The following PRKD1 variants were observed in gnomAD, a reference collection of about 807,000 sequenced individuals.
PRKD1 encodes the protein protein kinase D1.
Under a neutral mutation model 95.9 loss-of-function variants are expected in PRKD1, and 63 were observed. That is an observed-to-expected ratio of 0.66 (90% CI 0.54 to 0.81). The LOEUF (loss-of-function observed/expected upper bound fraction) is 0.81. PRKD1 is among the 30% of genes least tolerant of loss of function. PRKD1 has a pLI of 0.00. For missense variants in PRKD1, 1,048 were observed against 1,165.3 expected (o/e 0.90, Z 1.47); for synonymous variants, 425 against 423.1 (o/e 1.00, Z -0.05).
At chr14:29,711,699 T>A (rs1014881834) in intron 2 of PRKD1, among the ~76,000 whole-genome samples, 2 of 152,182 alleles carry the variant, frequency 1.3e-5, no homozygotes, top group Admixed American at 1.3e-4. Flanking sequence ...CTAACTGTCA[T>A]ATGGATCTTT....
chr14:29,838,779 A>T (rs1056366539), intron 1 of PRKD1, among the ~76,000 whole-genome samples: 6 of 152,324 alleles, frequency 3.9e-5, no homozygotes, highest in Middle Eastern at 3.4e-3. Context: ...TTTGCACCAA[A>T]CTAAACTCAT....
intron 1 of PRKD1, among the ~76,000 whole-genome samples, chr14:29,830,402 T>C (rs1360776574): frequency 2.0e-5 from 3 of 152,156 alleles, no homozygotes; most frequent in Non-Finnish European, 4.4e-5. Flanking sequence ...ATGCACATTG[T>C]CAAATCTTCT....
At chr14:29,705,129 T>C (rs1467494905) in intron 2 of PRKD1, among the ~76,000 whole-genome samples, 2 of 152,162 alleles carry the variant, frequency 1.3e-5, no homozygotes, top group African/African-American at 2.4e-5. Flanking sequence ...TGTTATCCTC[T>C]AAAGACGATG....
chr14:29,848,041 C>T (rs1196711194), intron 1 of PRKD1, among the ~76,000 whole-genome samples: 4 of 152,068 alleles, frequency 2.6e-5, no homozygotes, highest in African/African-American at 9.7e-5. Context: ...ACTAAGAATG[C>T]TTGGATGGTC....
chr14:29,780,114 T>C (rs1469615267), intron 1 of PRKD1, among the ~76,000 whole-genome samples: 2 of 152,214 alleles, frequency 1.3e-5, no homozygotes, highest in African/African-American at 4.8e-5. Context: ...GATCCCTTCC[T>C]TACACCTTTT....
At chr14:29,625,184 T>G (rs980428715) in intron 12 of PRKD1, among the ~76,000 whole-genome samples, 1 of 152,176 alleles carries the variant, frequency 6.6e-6, no homozygotes, top group African/African-American at 2.4e-5. Flanking sequence ...CAGCTTGTGT[T>G]CATGTTCTCT....
chr14:29,712,733 A>G (rs1885394814), intron 2 of PRKD1, among the ~76,000 whole-genome samples: 1 of 152,206 alleles, frequency 6.6e-6, no homozygotes, highest in African/African-American at 2.4e-5. Context: ...GACTTAAAAC[A>G]GCTGCATTTC....
At chr14:29,675,903 C>G (rs1347353502) in intron 2 of PRKD1, among the ~76,000 whole-genome samples, 1 of 148,368 alleles carries the variant, frequency 6.7e-6, no homozygotes. Flanking sequence ...ACCGCATGTT[C>G]TCACTCATAG....
intron 2 of PRKD1, among the ~76,000 whole-genome samples, chr14:29,693,881 G>A (rs67963075): frequency 0.069 from 10,511 of 152,194 alleles, 927 homozygotes; most frequent in African/African-American, 0.2. Context: ...ATTTTGGATA[G>A]TCTTTTCAGT....
intron 1 of PRKD1, among the ~76,000 whole-genome samples, chr14:29,922,862 G>T (rs1259552541): frequency 1.3e-5 from 2 of 151,984 alleles, no homozygotes; most frequent in African/African-American, 4.8e-5. Context: ...TGTAGTCTGG[G>T]CCTTATCTCA....
intron 1 of PRKD1, among the ~76,000 whole-genome samples, chr14:29,841,605 TC>T (rs1891848247): frequency 6.6e-6 from 1 of 152,158 alleles, no homozygotes; most frequent in African/African-American, 2.4e-5. Flanking sequence ...CTTCTTGCCT[TC>T]CGCCATGATT....
At chr14:29,755,575 AT>A (rs1219656244) in intron 1 of PRKD1, among the ~76,000 whole-genome samples, 1 of 152,082 alleles carries the variant, frequency 6.6e-6, no homozygotes, top group Non-Finnish European at 1.5e-5. Flanking sequence ...CTCAAGAGAC[AT>A]TTTTCAGCTG....
At chr14:29,626,604 A>G (rs930061245) in intron 11 of PRKD1, 48 bp from the exon 12 acceptor site, 1 of 1,210,960 alleles carries the variant, frequency 8.3e-7, no homozygotes, top group Non-Finnish European at 1.1e-6. Flanking sequence ...AGAACAAAAC[A>G]TTAGTCCTAA....
At chr14:29,801,912 T>A (rs1890048886) in intron 1 of PRKD1, among the ~76,000 whole-genome samples, 1 of 152,206 alleles carries the variant, frequency 6.6e-6, no homozygotes, top group African/African-American at 2.4e-5. Flanking sequence ...GGTCTCAAAC[T>A]CCTGACCTCA....
intron 1 of PRKD1, among the ~76,000 whole-genome samples, chr14:29,893,098 T>A (rs1893995438): frequency 6.6e-6 from 1 of 152,166 alleles, no homozygotes; most frequent in Admixed American, 6.5e-5. Flanking sequence ...CTTTTCTAAA[T>A]GAATCAGTAA....
intron 1 of PRKD1, among the ~76,000 whole-genome samples, chr14:29,857,759 C>T (rs926694008): frequency 2.0e-5 from 3 of 152,122 alleles, no homozygotes; most frequent in Non-Finnish European, 4.4e-5. Context: ...CTGAAAAAGG[C>T]AGCGAGGGGA....
At chr14:29,816,207 G>A (rs1007466710) in intron 1 of PRKD1, among the ~76,000 whole-genome samples, 2 of 152,156 alleles carry the variant, frequency 1.3e-5, no homozygotes, top group Admixed American at 6.6e-5. Context: ...AACAGAGCAA[G>A]ACCAAGAGCC....
intron 4 of PRKD1, among the ~76,000 whole-genome samples, chr14:29,647,199 T>C (rs1881180811): frequency 6.6e-6 from 1 of 152,178 alleles, no homozygotes; most frequent in Non-Finnish European, 1.5e-5. Context: ...ATAACATATA[T>C]AATCTCTTAC....
chr14:29,859,621 A>T (rs1432795868), intron 1 of PRKD1, among the ~76,000 whole-genome samples: 1 of 152,086 alleles, frequency 6.6e-6, no homozygotes, highest in Admixed American at 6.6e-5. Context: ...AAAAAAAAAA[A>T]AATCTGACAG....
Sources: gnomAD v4.1 joint callset for allele counts (sites outside exome capture counted in the v4.1 genomes callset) on GRCh38, gnomAD v4.1.1 for gene constraint, MANE v1.5 for transcripts, NCBI Gene and HGNC (gene_info 2026-07-23, HGNC 2026-07-21) for gene names.